Variants in PTPRJ observed in about 807,000 individuals in gnomAD.
PTPRJ encodes receptor-type tyrosine-protein phosphatase eta.
PTPRJ carries 129 observed loss-of-function variants against 141.3 expected under a neutral mutation model. That is an observed-to-expected ratio of 0.91 (90% CI 0.79 to 1.06). PTPRJ has a LOEUF of 1.06. Ranked by LOEUF, PTPRJ falls within the 50% of genes least tolerant of loss-of-function variation. PTPRJ has a pLI of 0.00. For synonymous variants in PTPRJ, 610 were observed against 640.5 expected, an observed-to-expected ratio of 0.95 and a Z score of 0.72; for missense variants, 1,601 against 1,679.7, an observed-to-expected ratio of 0.95 and a Z score of 0.82.
At chr11:48,069,439 T>G (rs534532512) in intron 1 of PTPRJ, among the ~76,000 whole-genome samples, 3 of 140,758 alleles carry the variant, frequency 2.1e-5, no homozygotes, top group Non-Finnish European at 4.5e-5. Context: ...AAAAACTACA[T>G]TGATAATTTT....
chr11:48,091,011 C>T (rs143699879), intron 1 of PTPRJ, among the ~76,000 whole-genome samples: 23 of 152,302 alleles, frequency 1.5e-4, no homozygotes, highest in African/African-American at 4.1e-4. Flanking sequence ...ATACCACATT[C>T]CGAAGACTTC....
rs201590390 is a variant in PTPRJ at position 48,161,639 on chromosome 11, GTC to G, written c.3558+1598_3558+1599del. Reference sequence around the variant, plus strand: ...CTTTTTTTTCTTTTTTTGAGATGGAGTCTCTCTCTGTCATCCAGGCTGGAGTG... The same window carrying G: ...CTTTTTTTTCTTTTTTTGAGATGGAGTCTCTCTGTCATCCAGGCTGGAGTG... On this transcript the variant is annotated intron_variant, in intron 22 of 24. Coordinates refer to ENST00000418331, the MANE Select transcript of PTPRJ (RefSeq NM_002843.4). Among the ~76,000 whole-genome samples the G allele has an allele frequency of 6.2e-3, 946 of 151,808 alleles. 13 individuals are homozygous for G. Among genetic ancestry groups the G allele is most frequent in the African/African-American group, 0.021 (878 of 41,356 alleles).
intron 1 of PTPRJ, among the ~76,000 whole-genome samples, chr11:47,996,620 T>C (rs935788447): frequency 6.6e-6 from 1 of 152,216 alleles, no homozygotes; most frequent in African/African-American, 2.4e-5. Flanking sequence ...CTGAGCACAT[T>C]TGCTCCCACC....
At chr11:48,085,824 A>G (rs1294604453) in intron 1 of PTPRJ, among the ~76,000 whole-genome samples, 1 of 152,194 alleles carries the variant, frequency 6.6e-6, no homozygotes, top group African/African-American at 2.4e-5. Context: ...GCGAATGATT[A>G]GTGTTTATTC....
chr11:48,118,955 G>A (rs1347043603), intron 3 of PTPRJ, among the ~76,000 whole-genome samples: 3 of 148,778 alleles, frequency 2.0e-5, no homozygotes, highest in Non-Finnish European at 3.0e-5. Flanking sequence ...GGGAGGCAGA[G>A]GTTGCAGTGA....
chr11:48,012,377 C>T (rs943308725), intron 1 of PTPRJ, among the ~76,000 whole-genome samples: 1 of 152,122 alleles, frequency 6.6e-6, no homozygotes, highest in Non-Finnish European at 1.5e-5. Flanking sequence ...AAGTGCTGCC[C>T]GCCATGCCTG....
At chr11:48,041,343 C>G (rs1172060209) in intron 1 of PTPRJ, among the ~76,000 whole-genome samples, 2 of 152,336 alleles carry the variant, frequency 1.3e-5, no homozygotes, top group South Asian at 2.1e-4. Context: ...TAATAACTCT[C>G]ATACACACTG....
chr11:48,089,542 C>A (rs1855811735), intron 1 of PTPRJ, among the ~76,000 whole-genome samples: 1 of 150,020 alleles, frequency 6.7e-6, no homozygotes, highest in Non-Finnish European at 1.5e-5. Flanking sequence ...ACAAAAAAAA[C>A]CCACACACAA....
At chr11:47,995,713 T>C (rs1767086167) in intron 1 of PTPRJ, among the ~76,000 whole-genome samples, 1 of 152,190 alleles carries the variant, frequency 6.6e-6, no homozygotes, top group African/African-American at 2.4e-5. Context: ...AAGTCATGTG[T>C]GGATGACATG....
At chr11:48,112,240 A>T (rs1856459072) in intron 2 of PTPRJ, among the ~76,000 whole-genome samples, 1 of 152,240 alleles carries the variant, frequency 6.6e-6, no homozygotes, top group Non-Finnish European at 1.5e-5. Context: ...CACATGCAAC[A>T]TCTAGCTGCA....
At chr11:48,086,737 CTG>C (rs746652210) in intron 1 of PTPRJ, among the ~76,000 whole-genome samples, 2 of 151,988 alleles carry the variant, frequency 1.3e-5, no homozygotes, top group South Asian at 4.1e-4. Flanking sequence ...AAGGAAGACA[CTG>C]TGTGTGTGTG....
At chr11:48,023,776 G>A (rs989722058) in intron 1 of PTPRJ, among the ~76,000 whole-genome samples, 3 of 148,522 alleles carry the variant, frequency 2.0e-5, no homozygotes, top group East Asian at 2.0e-4. Flanking sequence ...AGTGAGACTC[G>A]GACTCAAAAA....
At chr11:48,145,266 T>C in intron 14 of PTPRJ, 142 bp downstream of exon 14, 1 of 1,179,430 alleles carries the variant, frequency 8.5e-7, no homozygotes, top group Non-Finnish European at 1.2e-6. Flanking sequence ...GGTTGAGATG[T>C]CACTGGGTCA....
chr11:48,124,214 C>T (rs997767381), intron 5 of PTPRJ, among the ~76,000 whole-genome samples: 3 of 152,146 alleles, frequency 2.0e-5, no homozygotes, highest in African/African-American at 4.8e-5. Flanking sequence ...TTGATGTTGG[C>T]GTTGTCATTT....
In PTPRJ at chr11:48,150,311, G is replaced by C. The variant is rs973602258; in HGVS notation, c.3138+128G>C. On this transcript the variant is annotated intron_variant, in intron 18 of 24. Transcript: ENST00000418331. ...GAGGGACTGTAGGCAGTTGGGACAT[G>C]GCTTTATTCTCTCTCCTACAGAGTC... 3 of 701,456 alleles carry C rather than the reference G, an allele frequency of 4.3e-6. No homozygotes were observed. In the East Asian group the frequency reaches 8.0e-5, roughly 19 times the overall value. 43.5% of individuals were successfully genotyped at this position (701,456 alleles called of 1,614,324 possible).
intron 19 of PTPRJ, among the ~76,000 whole-genome samples, chr11:48,154,436 A>G (rs935301558): frequency 1.3e-5 from 2 of 152,248 alleles, no homozygotes; most frequent in African/African-American, 4.8e-5. Flanking sequence ...CTTAGTCAAC[A>G]GGATTACAGC....
intron 1 of PTPRJ, among the ~76,000 whole-genome samples, chr11:48,010,030 C>T (rs1274215055): frequency 1.3e-5 from 2 of 152,208 alleles, no homozygotes; most frequent in Non-Finnish European, 2.9e-5. Context: ...TTCTTACAGT[C>T]TCTCCAGTGT....
chr11:48,077,816 G>A (rs940149051), intron 1 of PTPRJ, among the ~76,000 whole-genome samples: 9 of 152,120 alleles, frequency 5.9e-5, no homozygotes, highest in Admixed American at 3.9e-4. Flanking sequence ...TCCCCAGCTG[G>A]TTGCTTTGTT....
intron 3 of PTPRJ, among the ~76,000 whole-genome samples, chr11:48,114,429 CAAAAAAAAAAAAA>C (rs71045544): frequency 0.012 from 806 of 68,800 alleles, 13 homozygotes; most frequent in African/African-American, 0.05. Context: ...GACTCTGTCT[CAAAAAAAAAAAAA>C]AAAAAAAAAA....
Sources: allele counts gnomAD v4.1 joint callset (sites outside exome capture counted in the v4.1 genomes callset), GRCh38; gene constraint gnomAD v4.1.1; transcripts MANE v1.5; gene names NCBI Gene and HGNC (gene_info 2026-07-23, HGNC 2026-07-21).